The following GSG1L variants were observed in gnomAD, a reference collection of about 807,000 sequenced individuals.
GSG1L encodes germ cell-specific gene 1-like protein.
GSG1L carries 24 observed loss-of-function variants against 42.1 expected under a neutral mutation model. The ratio of observed to expected loss-of-function variants is 0.57; its 90% CI spans 0.41 to 0.80. The LOEUF is 0.80. Among genes scored for constraint, GSG1L ranks in the 30% least tolerant of loss-of-function variants. The pLI is 0.00. For missense variants in GSG1L, 445 were observed against 472.2 expected (o/e 0.94, Z 0.53); for synonymous variants, 215 against 203.5 (o/e 1.06, Z -0.48).
intron 1 of GSG1L, among the ~76,000 whole-genome samples, chr16:28,000,016 T>C (rs1156987705): frequency 6.6e-6 from 1 of 152,166 alleles, no homozygotes; most frequent in African/African-American, 2.4e-5. Context: ...ATCTTCCTCA[T>C]CATACAGTGG....
intron 5 of GSG1L, among the ~76,000 whole-genome samples, chr16:27,813,283 C>G (rs1597467350): frequency 6.6e-6 from 1 of 152,238 alleles, no homozygotes; most frequent in South Asian, 2.1e-4. Flanking sequence ...CTGTTGTTCC[C>G]TCATCATTTA....
chr16:27,816,507 A>G (rs1378993913), intron 5 of GSG1L, among the ~76,000 whole-genome samples: 2 of 152,364 alleles, frequency 1.3e-5, no homozygotes, highest in East Asian at 1.9e-4. Context: ...AGACGTGAAC[A>G]GCACCAGCCC....
chr16:27,913,597 G>T (rs1190687252), intron 2 of GSG1L, among the ~76,000 whole-genome samples: 1 of 152,160 alleles, frequency 6.6e-6, no homozygotes, highest in African/African-American at 2.4e-5. Flanking sequence ...TTGTAAATAA[G>T]ATTTTATTGG....
intron 3 of GSG1L, 142 bp from the exon 4 acceptor site, chr16:27,845,203 C>T: frequency 1.8e-6 from 1 of 565,792 alleles, no homozygotes; most frequent in East Asian, 2.8e-5. Flanking sequence ...GGGAGGTCAG[C>T]AGGAACAGAG....
chr16:27,993,044 A>G (rs2085472336), intron 1 of GSG1L, among the ~76,000 whole-genome samples: 1 of 152,240 alleles, frequency 6.6e-6, no homozygotes, highest in Non-Finnish European at 1.5e-5. Flanking sequence ...TGAAAGAGGT[A>G]CTGTTATTAT....
At chr16:27,961,379 A>G (rs1032280459) in intron 2 of GSG1L, among the ~76,000 whole-genome samples, 1 of 152,094 alleles carries the variant, frequency 6.6e-6, no homozygotes, top group Admixed American at 6.6e-5. Context: ...TATGGGATGC[A>G]CATCCCAGAG....
chr16:27,888,475 T>TTTC (rs2084067529), intron 2 of GSG1L, among the ~76,000 whole-genome samples: 1 of 73,336 alleles, frequency 1.4e-5, no homozygotes, highest in Non-Finnish European at 3.1e-5. Flanking sequence ...TCTCTCTCTC[T>TTTC]CTCTTTCCTT....
intron 2 of GSG1L, among the ~76,000 whole-genome samples, chr16:27,953,158 C>T (rs188106361): frequency 1.3e-5 from 2 of 152,270 alleles, no homozygotes; most frequent in African/African-American, 4.8e-5. Context: ...AGCATGATTA[C>T]AGCTCACTGC....
chr16:27,952,797 CA>C (rs1174212899), intron 2 of GSG1L, among the ~76,000 whole-genome samples: 2 of 152,224 alleles, frequency 1.3e-5, no homozygotes, highest in African/African-American at 4.8e-5. Flanking sequence ...AACACGCACA[CA>C]GAAAACTGCA....
intron 1 of GSG1L, among the ~76,000 whole-genome samples, chr16:27,965,926 T>C (rs2085127053): frequency 6.6e-6 from 1 of 152,208 alleles, no homozygotes; most frequent in South Asian, 2.1e-4. Flanking sequence ...CGCTGTGGCC[T>C]GCAAGACCCT....
chr16:27,808,851 C>T (rs1007967326), intron 5 of GSG1L, among the ~76,000 whole-genome samples: 2 of 152,146 alleles, frequency 1.3e-5, no homozygotes, highest in African/African-American at 4.8e-5. Context: ...TGCGGGGTGG[C>T]AGCAGAGGAG....
chr16:28,004,716 C>A (rs1024086959), intron 1 of GSG1L, among the ~76,000 whole-genome samples: 1 of 151,848 alleles, frequency 6.6e-6, no homozygotes, highest in African/African-American at 2.4e-5. Flanking sequence ...AGGTGGAAGC[C>A]GCAGTGAGCT....
intron 3 of GSG1L, among the ~76,000 whole-genome samples, chr16:27,869,027 G>C (rs2083767854): frequency 6.6e-6 from 1 of 152,214 alleles, no homozygotes; most frequent in African/African-American, 2.4e-5. Flanking sequence ...GGCAGAGGGA[G>C]GAGGGAAGGA....
intron 2 of GSG1L, among the ~76,000 whole-genome samples, chr16:27,928,973 G>A (rs1412766166): frequency 6.6e-6 from 1 of 152,232 alleles, no homozygotes; most frequent in Non-Finnish European, 1.5e-5. Context: ...TGGGAAAGCA[G>A]TGGTTCTCAG....
At chr16:27,882,570 C>T (rs1178521800) in intron 3 of GSG1L, among the ~76,000 whole-genome samples, 2 of 152,166 alleles carry the variant, frequency 1.3e-5, no homozygotes, top group Non-Finnish European at 2.9e-5. Flanking sequence ...GAATATGCCG[C>T]ATCATCAGGC....
At chr16:27,841,377 T>A (rs2083379956) in intron 4 of GSG1L, among the ~76,000 whole-genome samples, 1 of 152,204 alleles carries the variant, frequency 6.6e-6, no homozygotes, top group South Asian at 2.1e-4. Context: ...CTTCTACTTC[T>A]TGCAAAGGTG....
intron 2 of GSG1L, among the ~76,000 whole-genome samples, chr16:27,910,126 CTT>C (rs11455704): frequency 8.0e-5 from 11 of 136,914 alleles, no homozygotes; most frequent in Admixed American, 1.4e-4. Context: ...TGCCTGGCTA[CTT>C]TTTTTTTTTT....
At chr16:28,049,698 A>AAT (rs1298711607) in intron 1 of GSG1L, among the ~76,000 whole-genome samples, 1 of 151,920 alleles carries the variant, frequency 6.6e-6, no homozygotes, top group East Asian at 1.9e-4. Flanking sequence ...AAAAAAAAAA[A>AAT]AAAGAAGAAG....
At chr16:27,838,607 T>C (rs931249371) in intron 4 of GSG1L, among the ~76,000 whole-genome samples, 23 of 152,078 alleles carry the variant, frequency 1.5e-4, no homozygotes, top group African/African-American at 5.6e-4. Flanking sequence ...TAGAGGCACA[T>C]AGACACCACC....
Sources: gnomAD v4.1 joint callset for allele counts (sites outside exome capture counted in the v4.1 genomes callset) on GRCh38, gnomAD v4.1.1 for gene constraint, MANE v1.5 for transcripts, NCBI Gene and HGNC (gene_info 2026-07-23, HGNC 2026-07-21) for gene names.